Variants in TYK2 observed in about 807,000 individuals in gnomAD.
TYK2 encodes the protein tyrosine kinase 2.
In TYK2, 65 loss-of-function variants were observed where a neutral mutation model predicts 130.9. The ratio of observed to expected loss-of-function variants is 0.50; its 90% CI spans 0.41 to 0.61. The LOEUF is 0.61. Among genes scored for constraint, TYK2 ranks in the 20% least tolerant of loss-of-function variants. The pLI, the probability that TYK2 is intolerant of heterozygous loss-of-function variation, is 0.00. For missense variants in TYK2, 1,378 were observed against 1,610.7 expected (o/e 0.86, Z 2.47); for synonymous variants, 647 against 658.9 (o/e 0.98, Z 0.28).
In TYK2 at chr19:10,364,335, A is replaced by T. The variant is rs1376104613; in HGVS notation, c.1367+279T>A. 5.9e-5 allele frequency among the ~76,000 whole-genome samples: 9 copies of T among 151,784 alleles called. No individual in the cohort carries two copies. The highest frequency in any genetic ancestry group is 8.8e-5 in the Non-Finnish European group (6 of 67,940). The stretch of plus-strand genomic sequence containing the variant: ...AGACTAGGTTGGCCAATCTGATGAA[A>T]CCCCATCTCTACAAAAATACAAAAA... On this transcript the variant is annotated intron_variant, in intron 9 of 24. Coordinates refer to ENST00000525621, the MANE Select transcript of TYK2 (RefSeq NM_003331.5). The surrounding 1 kb of genome is among the most constrained non-coding windows in gnomAD (Gnocchi z 4.9).
chr19:10,375,760 C>CA (rs775310496), intron 3 of TYK2, among the ~76,000 whole-genome samples: 3,557 of 109,276 alleles, frequency 0.033, 145 homozygotes, highest in African/African-American at 0.088. Flanking sequence ...ACTAAAAATA[C>CA]AAAAAAAAAA....
chr19:10,362,517 GC>G, intron 10 of TYK2, 31 bp downstream of exon 10: 1 of 1,555,742 alleles, frequency 6.4e-7, no homozygotes. Context: ...AACGTGTCCA[GC>G]CCCAGCCCCA....
chr19:10,371,742 T>C (rs1568342573), intron 3 of TYK2, among the ~76,000 whole-genome samples: 2 of 152,180 alleles, frequency 1.3e-5, no homozygotes, highest in Non-Finnish European at 2.9e-5. Flanking sequence ...TCATGCAGAA[T>C]GACATGAGTA....
At chr19:10,351,360 G>A (rs546195926) in intron 23 of TYK2, 198 bp from the exon 24 acceptor site, 5 of 471,774 alleles carry the variant, frequency 1.1e-5, no homozygotes, top group Non-Finnish European at 1.2e-5. Context: ...AATGGCAGGC[G>A]CCCGTAATCC....
intron 18 of TYK2, among the ~76,000 whole-genome samples, chr19:10,354,951 G>A (rs1486984658): frequency 1.3e-5 from 2 of 151,546 alleles, no homozygotes; most frequent in Non-Finnish European, 2.9e-5. Flanking sequence ...AGCTACTCAG[G>A]AGGCTGAGGT....
chr19:10,351,238 G>A (rs1568324660), intron 23 of TYK2, 76 bp from the exon 24 acceptor site: 3 of 1,233,382 alleles, frequency 2.4e-6, no homozygotes, highest in Admixed American at 1.9e-5. Flanking sequence ...TGTAATCCCA[G>A]CACTTTGGAA....
At chr19:10,378,507 C>T in intron 2 of TYK2, 81 bp from the exon 3 acceptor site, 4 of 1,167,568 alleles carry the variant, frequency 3.4e-6, no homozygotes, top group Non-Finnish European at 4.9e-6. Flanking sequence ...CCCACCCCAG[C>T]TAAGGCCTGA....
intron 7 of TYK2, 59 bp downstream of exon 7, chr19:10,365,458 C>T: frequency 3.1e-6 from 5 of 1,606,886 alleles, no homozygotes; most frequent in Non-Finnish European, 4.2e-6. Context: ...CAAGGATGAA[C>T]ACAGAAACCC....
Position 10,353,332 on chromosome 19 carries a change from C to A in TYK2, c.3027+196G>T. The A allele has an allele frequency of 1.7e-6, 1 of 575,314 alleles. No individual in the cohort carries two copies. The highest frequency in any genetic ancestry group is 2.8e-5 in the South Asian group (1 of 36,212). The allele number at this position is 575,314 out of a possible 1,614,324, so 35.6% of individuals were successfully genotyped here. A position where few individuals can be genotyped will look rare whatever the true frequency, so the allele number is the denominator to read the frequency against. Reference sequence around the variant, plus strand: ...GGAGGGCGAGTTGGGAGGGGCCGAGCCGGCTGTGCGTGGTCCCTTGGGAGG... The same window carrying A: ...GGAGGGCGAGTTGGGAGGGGCCGAGACGGCTGTGCGTGGTCCCTTGGGAGG... On this transcript the variant is annotated intron_variant, in intron 21 of 24. Transcript: ENST00000525621. The surrounding 1 kb of genome is among the most constrained non-coding windows in gnomAD (Gnocchi z 6.9).
intron 19 of TYK2, 33 bp from the exon 20 acceptor site, chr19:10,354,267 TC>T: frequency 6.2e-7 from 1 of 1,604,436 alleles, no homozygotes. Flanking sequence ...CAGCTCCACC[TC>T]CCCAATCCCT....
chr19:10,359,288 C>G lies in TYK2; in HGVS notation c.2062G>C (p.Glu688Gln). The change falls in exon 15 of 25, where the codon GAG becomes CAG. Residue 688 changes from glutamate to glutamine, a missense_variant. Glu to Gln is a conservative substitution (Grantham distance 29, BLOSUM62 2). Transcript: ENST00000525621. ...VRGPENIMVT[E>Q]YVEHGPLDVW... ...TCCAGGGGTCCGTGCTCCACGTACT[C>G]TGTCACCATGATATCTGTAAAGACA... 1 of 1,611,676 alleles carries G rather than the reference C, an allele frequency of 6.2e-7. No individual in the cohort carries two copies. Among genetic ancestry groups the G allele is most frequent in the South Asian group, 1.1e-5 (1 of 91,032 alleles).
Position 10,357,767 on chromosome 19 carries a change from G to C in TYK2, c.2463C>G (p.Ser821=). 1 of 1,608,828 alleles carries C rather than the reference G, an allele frequency of 6.2e-7. No individual in the cohort carries two copies. Among genetic ancestry groups the C allele is most frequent in the Non-Finnish European group, 8.5e-7 (1 of 1,177,894 alleles). Residue 821 remains serine (S), a synonymous_variant, in exon 17 of 25, where the codon TCC becomes TCG. Transcript: ENST00000525621. The part of the protein sequence containing the change: ...GEAPLQSRSP[S]EKEHFYQRQH... Reference sequence around the variant, plus strand: ...CCCAAGGGTCTCCTAGACATACCTCGGAGGGACTGCGGCTCTGCAGAGGGG... The same window carrying C: ...CCCAAGGGTCTCCTAGACATACCTCCGAGGGACTGCGGCTCTGCAGAGGGG...
At chr19:10,355,041 A>G (rs144863781) in intron 18 of TYK2, among the ~76,000 whole-genome samples, 2,960 of 151,142 alleles carry the variant, frequency 0.02, 105 homozygotes, top group African/African-American at 0.068. Flanking sequence ...AAAAAAAAAA[A>G]AAAGAAAGAA....
chr19:10,354,031 G>A lies in TYK2; in HGVS notation c.2908+11C>T, dbSNP rs374445528. ...CCCTCAAGTCTCTAGGACTCGCCGGGTCCCGCCCACCTTGGTCCTCGCAGC... is the reference window on the plus strand; with the variant it reads ...CCCTCAAGTCTCTAGGACTCGCCGGATCCCGCCCACCTTGGTCCTCGCAGC... On this transcript the variant is annotated intron_variant, in intron 20 of 24. Transcript: ENST00000525621. The A allele has an allele frequency of 1.2e-6, 2 of 1,613,774 alleles. No individual in the cohort carries two copies. Among genetic ancestry groups the A allele is most frequent in the African/African-American group, 2.7e-5 (2 of 75,058 alleles).
chr19:10,361,897 T>A lies in TYK2; in HGVS notation c.1832A>T (p.Glu611Val). 6.2e-7 allele frequency: 1 copy of A among 1,614,026 alleles called. No homozygotes were observed. The highest frequency in any genetic ancestry group is 1.1e-5 in the South Asian group (1 of 91,084). ...GCCCTCCTCAGGGTCCCCGCTGCCC[T>A]CCACTCGCAGGCGGCCCTCATACAC... is the stretch of plus-strand genomic sequence containing the variant. The part of the protein sequence containing the change: ...TNVYEGRLRV[E>V]GSGDPEEGKM... The change falls in exon 13 of 25, where the codon GAG becomes GTG. Residue 611 changes from glutamate (E) to valine (V), a missense_variant. Transcript: ENST00000525621. This position sits in a 1 kb window ranked among gnomAD's most constrained non-coding sequence, Gnocchi z 4.0.
chr19:10,362,016 GC>G (rs2041430230), intron 12 of TYK2, 61 bp from the exon 13 acceptor site: 2 of 1,612,770 alleles, frequency 1.2e-6, no homozygotes, highest in South Asian at 2.2e-5. Flanking sequence ...ATCTCCCAGG[GC>G]CCCCAGCACC....
intron 17 of TYK2, 53 bp from the exon 18 acceptor site, chr19:10,356,771 G>A (rs1184614813): frequency 1.9e-5 from 30 of 1,547,112 alleles, no homozygotes; most frequent in South Asian, 8.3e-5. Flanking sequence ...CCCCCAACCC[G>A]TTCCCCAAGA....
chr19:10,361,884 G>T lies in TYK2; in HGVS notation c.1845C>A (p.Asp615Glu). 1 of 1,614,054 alleles carries T rather than the reference G, an allele frequency of 6.2e-7. No homozygotes were observed. Among genetic ancestry groups the T allele is most frequent in the African/African-American group, 1.3e-5 (1 of 75,032 alleles). The change falls in exon 13 of 25, where the codon GAC becomes GAA. Residue 615 changes from aspartate to glutamate, a missense_variant. Transcript: ENST00000525621. The surrounding 1 kb of genome is among the most constrained non-coding windows in gnomAD (Gnocchi z 4.0). Reference sequence around the variant, plus strand: ...CGTCATCCATCTTGCCCTCCTCAGGGTCCCCGCTGCCCTCCACTCGCAGGC... The same window carrying T: ...CGTCATCCATCTTGCCCTCCTCAGGTTCCCCGCTGCCCTCCACTCGCAGGC... ...EGRLRVEGSG[D>E]PEEGKMDDED... is the part of the protein sequence containing the mutation.
Position 10,353,397 on chromosome 19 carries a change from G to A in TYK2, c.3027+131C>T. 1 of 688,038 alleles carries A rather than the reference G, an allele frequency of 1.5e-6. No individual in the cohort carries two copies. The highest frequency in any genetic ancestry group is 2.3e-6 in the Non-Finnish European group (1 of 427,654). The allele number at this position is 688,038 out of a possible 1,614,324, so 42.6% of individuals were successfully genotyped here. On this transcript the variant is annotated intron_variant, in intron 21 of 24. Coordinates refer to ENST00000525621, the MANE Select transcript of TYK2 (RefSeq NM_003331.5). This position sits in a 1 kb window ranked among gnomAD's most constrained non-coding sequence, Gnocchi z 6.9. The stretch of plus-strand genomic sequence containing the variant: ...AGCAAGCCAAACAGTTCGGAGGTCA[G>A]TGCAAGGACAAGACAGCCTGGGCAA...
Sources: gnomAD v4.1 joint callset for allele counts (sites outside exome capture counted in the v4.1 genomes callset) on GRCh38, gnomAD v4.1.1 for gene constraint, Gnocchi (gnomAD v3.1) non-coding constraint, MANE v1.5 for transcripts, NCBI Gene and HGNC (gene_info 2026-07-23, HGNC 2026-07-21) for gene names.